The following TMEM178A variants were observed in gnomAD, a reference collection of about 807,000 sequenced individuals.
The protein encoded by TMEM178A is transmembrane protein 178.
Under a neutral mutation model 29.1 loss-of-function variants are expected in TMEM178A, and 12 were observed. The ratio of observed to expected loss-of-function variants is 0.41; its 90% CI spans 0.26 to 0.67. The LOEUF (loss-of-function observed/expected upper bound fraction) is 0.67. Ranked by LOEUF, TMEM178A falls within the 30% of genes least tolerant of loss-of-function variation. The pLI is 0.29. For missense variants in TMEM178A, 366 were observed against 419.1 expected, an observed-to-expected ratio of 0.87 and a Z score of 1.11; for synonymous variants, 210 against 187.2, an observed-to-expected ratio of 1.12 and a Z score of -0.99.
At chr2:39,685,566 A>G (rs551617478) in intron 1 of TMEM178A, among the ~76,000 whole-genome samples, 1 of 152,304 alleles carries the variant, frequency 6.6e-6, no homozygotes, top group South Asian at 2.1e-4. Flanking sequence ...TACAAGGTCT[A>G]ATAGGTGAGG....
At chr2:39,698,486 T>A (rs959076853) in intron 1 of TMEM178A, among the ~76,000 whole-genome samples, 3 of 152,226 alleles carry the variant, frequency 2.0e-5, no homozygotes, top group Non-Finnish European at 2.9e-5. Flanking sequence ...ATTGAAATGA[T>A]CTTGCATTCC....
At chr2:39,666,424 G>A in intron 1 of TMEM178A, 50 bp downstream of exon 1, 1 of 1,248,288 alleles carries the variant, frequency 8.0e-7, no homozygotes, top group Non-Finnish European at 1.0e-6. Flanking sequence ...GTGGAGCGCA[G>A]CCCGCGGCTT....
intron 3 of TMEM178A, among the ~76,000 whole-genome samples, chr2:39,714,498 T>G (rs1456638047): frequency 6.6e-6 from 1 of 152,194 alleles, no homozygotes. Flanking sequence ...AATCCCATAC[T>G]TTTGCTCATG....
At chr2:39,679,076 T>A (rs1351063378) in intron 1 of TMEM178A, among the ~76,000 whole-genome samples, 1 of 152,234 alleles carries the variant, frequency 6.6e-6, no homozygotes, top group East Asian at 1.9e-4. Context: ...GATGCCATTG[T>A]ACTTTATACA....
downstream of TMEM178A, among the ~76,000 whole-genome samples, chr2:39,722,120 C>T (rs1334839315): frequency 6.7e-6 from 1 of 149,716 alleles, no homozygotes; most frequent in Non-Finnish European, 1.5e-5. Flanking sequence ...ACCCAGGAGA[C>T]AAAATTGTGC....
chr2:39,676,629 A>G (rs1157954104), intron 1 of TMEM178A, among the ~76,000 whole-genome samples: 1 of 152,148 alleles, frequency 6.6e-6, no homozygotes, highest in East Asian at 1.9e-4. Flanking sequence ...CTGGGGCTGG[A>G]GAAAGGGCCC....
At chr2:39,665,915 G>A (rs1398532522), upstream of TMEM178A, 21 of 1,318,356 alleles carry the variant, frequency 1.6e-5, no homozygotes, top group Admixed American at 4.2e-5. Flanking sequence ...CTGGGGCCAA[G>A]TGCATTGTGT....
chr2:39,683,380 A>T (rs1238980624), intron 1 of TMEM178A, among the ~76,000 whole-genome samples: 1 of 152,192 alleles, frequency 6.6e-6, no homozygotes, highest in Non-Finnish European at 1.5e-5. Context: ...GTTTTAAAAG[A>T]AATAAATAAA....
intron 1 of TMEM178A, among the ~76,000 whole-genome samples, chr2:39,701,044 G>A (rs1197714043): frequency 6.6e-6 from 1 of 151,680 alleles, no homozygotes; most frequent in Non-Finnish European, 1.5e-5. Flanking sequence ...ATTTATAATT[G>A]TTGCTTTATG....
intron 3 of TMEM178A, among the ~76,000 whole-genome samples, chr2:39,712,396 T>C (rs17024218): frequency 0.075 from 11,404 of 152,134 alleles, 1,409 homozygotes; most frequent in African/African-American, 0.26. Flanking sequence ...CCAGCCGGCA[T>C]CATGAAGATT....
At chr2:39,727,370 A>G in the TMEM178A span, among the ~76,000 whole-genome samples, 1 of 152,218 alleles carries the variant, frequency 6.6e-6, no homozygotes, top group Non-Finnish European at 1.5e-5. Context: ...TACTAACACT[A>G]TGGCAAAATA....
At chr2:39,680,846 G>C (rs748862317) in intron 1 of TMEM178A, among the ~76,000 whole-genome samples, 5 of 152,124 alleles carry the variant, frequency 3.3e-5, no homozygotes, top group Non-Finnish European at 7.4e-5. Flanking sequence ...TGAAGACAAA[G>C]AGAAGTCTAT....
intron 3 of TMEM178A, among the ~76,000 whole-genome samples, chr2:39,707,618 T>C (rs1222694837): frequency 6.6e-6 from 1 of 152,044 alleles, no homozygotes; most frequent in Non-Finnish European, 1.5e-5. Flanking sequence ...ACTACAGGCA[T>C]GTGCCACCAC....
intron 1 of TMEM178A, among the ~76,000 whole-genome samples, chr2:39,703,580 G>A (rs1671890502): frequency 6.6e-6 from 1 of 152,182 alleles, no homozygotes; most frequent in African/African-American, 2.4e-5. Context: ...CTGCACTAGA[G>A]TTAAATAGGT....
intron 2 of TMEM178A, among the ~76,000 whole-genome samples, chr2:39,706,152 C>A (rs752266154): frequency 1.1e-4 from 16 of 152,166 alleles, no homozygotes; most frequent in Non-Finnish European, 2.1e-4. Flanking sequence ...CGTAGTCAGC[C>A]TACCTCTTGG....
the TMEM178A span, among the ~76,000 whole-genome samples, chr2:39,728,128 G>A: frequency 3.3e-5 from 5 of 152,130 alleles, no homozygotes; most frequent in South Asian, 4.1e-4. Flanking sequence ...GATCCTCCAG[G>A]AATCGCCACA....
At chr2:39,716,091 T>C (rs1215082153) in intron 3 of TMEM178A, among the ~76,000 whole-genome samples, 1 of 152,242 alleles carries the variant, frequency 6.6e-6, no homozygotes, top group East Asian at 1.9e-4. Flanking sequence ...AAGAGATGTG[T>C]AGGATTCAGA....
At chr2:39,695,137 A>C (rs1410614488) in intron 1 of TMEM178A, among the ~76,000 whole-genome samples, 1 of 152,134 alleles carries the variant, frequency 6.6e-6, no homozygotes, top group Non-Finnish European at 1.5e-5. Context: ...CTGTCCTATG[A>C]CTGCATGATT....
intron 1 of TMEM178A, among the ~76,000 whole-genome samples, chr2:39,699,664 C>T (rs1671697913): frequency 6.6e-6 from 1 of 151,990 alleles, no homozygotes; most frequent in African/African-American, 2.4e-5. Context: ...ACTATGTTGC[C>T]CAGGCTGGTC....
Sources: allele counts gnomAD v4.1 joint callset (sites outside exome capture counted in the v4.1 genomes callset), GRCh38; gene constraint gnomAD v4.1.1; transcripts MANE v1.5; gene names NCBI Gene and HGNC (gene_info 2026-07-23, HGNC 2026-07-21).